Variants in DISP1 observed in about 807,000 individuals in gnomAD.
DISP1 encodes protein dispatched homolog 1.
A neutral mutation model predicts 37.3 loss-of-function variants in DISP1; 30 were observed. That is an observed-to-expected ratio of 0.80 (90% confidence interval 0.60 to 1.09). DISP1 has a LOEUF of 1.09. Among genes scored for constraint, DISP1 ranks in the 50% least tolerant of loss-of-function variants. DISP1 has a pLI of 0.00. For missense variants in DISP1, 1,598 were observed against 1,879.5 expected (o/e 0.85, Z 2.77); for synonymous variants, 634 against 690.2 (o/e 0.92, Z 1.28).
chr1:222,824,238 A>T (rs1314932537), intron 1 of DISP1, among the ~76,000 whole-genome samples: 1 of 152,188 alleles, frequency 6.6e-6, no homozygotes, highest in East Asian at 1.9e-4. Context: ...CTTGTTGAAA[A>T]TGCCTCTAAT....
At position 222,975,929 on chromosome 1, in the gene DISP1, C is replaced by A. The variant is rs905809935; in HGVS notation, c.510-7151C>A. ...GAGTGGGAGAGAAAGAATGACACTG[C>A]AGCTGGTGGACTGTCTGAGGACCCA... On this transcript the variant is annotated intron_variant, in intron 3 of 8. Coordinates refer to ENST00000675850, the MANE Select transcript of DISP1 (RefSeq NM_001377229.1). Among the ~76,000 whole-genome samples the A allele has an allele frequency of 6.6e-5, 10 of 152,252 alleles. No homozygotes were observed. In the East Asian group the frequency reaches 1.9e-3, roughly 29 times the overall value.
Position 222,991,998 on chromosome 1 carries a change from G to T in DISP1, c.792-15G>T. 1 of 1,590,772 alleles carries T rather than the reference G, an allele frequency of 6.3e-7. No homozygotes were observed. Among genetic ancestry groups the T allele is most frequent in the Non-Finnish European group, 8.6e-7 (1 of 1,159,070 alleles). On this transcript the variant is annotated splice_polypyrimidine_tract_variant and intron_variant, in intron 6 of 8. Transcript: ENST00000675850. ...CGAGAACTTTATTGAAGATCAAATTGTCGTTCCATTTCAGCCATCGGGATG... is the reference window on the plus strand; with the variant it reads ...CGAGAACTTTATTGAAGATCAAATTTTCGTTCCATTTCAGCCATCGGGATG...
chr1:222,920,573 G>A (rs1272121613), intron 1 of DISP1, among the ~76,000 whole-genome samples: 1 of 152,114 alleles, frequency 6.6e-6, no homozygotes, highest in Non-Finnish European at 1.5e-5. Context: ...AAGACAAAAT[G>A]TTCCCTTGAA....
rs192508362 is a variant in DISP1 at position 222,925,353 on chromosome 1, G to A, written c.-158-3077G>A. Among the ~76,000 whole-genome samples the A allele has an allele frequency of 3.1e-3, 479 of 152,242 alleles. 3 individuals are homozygous for A. Among genetic ancestry groups the A allele is most frequent in the African/African-American group, 0.011 (463 of 41,568 alleles). ...AACCTTTGTTTGCATTTCTTGAAAG[G>A]AAAAGCACAGTGAAATAGGATTAGC... On this transcript the variant is annotated intron_variant, in intron 1 of 8. Transcript: ENST00000675850.
chr1:222,828,247 C>T (rs1664894695), intron 1 of DISP1, among the ~76,000 whole-genome samples: 1 of 152,142 alleles, frequency 6.6e-6, no homozygotes, highest in Admixed American at 6.5e-5. Context: ...CATATGCTTT[C>T]TACTTATCTT....
At chr1:222,937,342 A>G (rs1674023705) in intron 2 of DISP1, among the ~76,000 whole-genome samples, 1 of 151,878 alleles carries the variant, frequency 6.6e-6, no homozygotes, top group Non-Finnish European at 1.5e-5. Context: ...CACCCGCCTC[A>G]GCCTCCCAAA....
intron 3 of DISP1, among the ~76,000 whole-genome samples, chr1:222,980,495 C>T (rs1156932120): frequency 6.6e-6 from 1 of 151,700 alleles, no homozygotes; most frequent in Non-Finnish European, 1.5e-5. Flanking sequence ...TCCCTAGCTT[C>T]TTGCTTTTTT....
At chr1:222,850,209 A>G (rs1340335780) in intron 1 of DISP1, among the ~76,000 whole-genome samples, 1 of 152,066 alleles carries the variant, frequency 6.6e-6, no homozygotes, top group Admixed American at 6.6e-5. Context: ...ATAAGTAGAC[A>G]TTTTTTCCTT....
At chr1:222,919,308 G>A (rs1672675505) in intron 1 of DISP1, among the ~76,000 whole-genome samples, 1 of 152,196 alleles carries the variant, frequency 6.6e-6, no homozygotes, top group African/African-American at 2.4e-5. Flanking sequence ...TGCATCTGCC[G>A]CCCAGAAGGA....
chr1:222,872,181 G>A (rs1572391398), intron 1 of DISP1: 1 of 152,258 alleles, frequency 6.6e-6, no homozygotes, highest in South Asian at 2.1e-4. Flanking sequence ...TGCTGAATTC[G>A]GTTTGCCAGT....
chr1:222,932,715 G>C (rs767353461), intron 2 of DISP1, among the ~76,000 whole-genome samples: 12 of 151,964 alleles, frequency 7.9e-5, no homozygotes, highest in African/African-American at 2.7e-4. Context: ...CAGCATTGAT[G>C]CTTATGGGCA....
chr1:222,891,906 A>G (rs1462544464), intron 1 of DISP1, among the ~76,000 whole-genome samples: 1 of 152,110 alleles, frequency 6.6e-6, no homozygotes, highest in Non-Finnish European at 1.5e-5. Context: ...GGAAGGTGAT[A>G]CAGGGAAGCA....
intron 1 of DISP1, among the ~76,000 whole-genome samples, chr1:222,876,798 GAAGA>G (rs1299474115): frequency 1.3e-5 from 2 of 152,096 alleles, no homozygotes; most frequent in African/African-American, 2.4e-5. Context: ...AACCTCTTTA[GAAGA>G]AAGAAAGGGA....
chr1:222,987,284 TGTG>T (rs1678350084), intron 4 of DISP1, among the ~76,000 whole-genome samples: 2 of 152,196 alleles, frequency 1.3e-5, no homozygotes, highest in African/African-American at 4.8e-5. Context: ...TCAGCAATTT[TGTG>T]GTGTTGAGAA....
intron 1 of DISP1, among the ~76,000 whole-genome samples, chr1:222,902,021 A>G (rs1229338451): frequency 6.6e-6 from 1 of 151,876 alleles, no homozygotes; most frequent in African/African-American, 2.4e-5. Flanking sequence ...ATCATTTTTT[A>G]TTGTGTCTAT....
chr1:222,909,734 A>G (rs1360760351), intron 1 of DISP1, among the ~76,000 whole-genome samples: 1 of 152,216 alleles, frequency 6.6e-6, no homozygotes, highest in Non-Finnish European at 1.5e-5. Flanking sequence ...GCGACCAGAA[A>G]TAGAAAGTGA....
chr1:223,005,413 A>G lies in DISP1; in HGVS notation c.4016A>G (p.Gln1339Arg), dbSNP rs753627240. ...ITHIHHCPCL[Q>R]GRVKPAGMQN... ...CACATCCACCACTGTCCCTGCCTGCAGGGCAGAGTAAAGCCAGCCGGAATG... is the reference window on the plus strand; with the variant it reads ...CACATCCACCACTGTCCCTGCCTGCGGGGCAGAGTAAAGCCAGCCGGAATG... The change falls in exon 9 of 9, where the codon CAG becomes CGG. Residue 1339 changes from glutamine (Q) to arginine (R), a missense_variant. Transcript: ENST00000675850. 30 of 1,613,500 alleles carry G rather than the reference A, an allele frequency of 1.9e-5. 1 individual carries two copies. The East Asian group carries it at 5.8e-4, about 31-fold the overall frequency.
At chr1:222,874,053 G>A (rs1418555169) in intron 1 of DISP1, among the ~76,000 whole-genome samples, 3 of 152,180 alleles carry the variant, frequency 2.0e-5, no homozygotes, top group Non-Finnish European at 2.9e-5. Flanking sequence ...GGCTGGATAT[G>A]AAATTCTGGG....
intron 1 of DISP1, among the ~76,000 whole-genome samples, chr1:222,919,422 A>G (rs34386738): frequency 0.32 from 48,780 of 152,004 alleles, 8,222 homozygotes; most frequent in Non-Finnish European, 0.36. Flanking sequence ...CAGCTGACCA[A>G]TCGTTATCTG....
Sources: allele counts gnomAD v4.1 joint callset (sites outside exome capture counted in the v4.1 genomes callset), GRCh38; gene constraint gnomAD v4.1.1; transcripts MANE v1.5; gene names NCBI Gene and HGNC (gene_info 2026-07-23, HGNC 2026-07-21).